The following PNO1 variants were observed in gnomAD, a reference collection of about 807,000 sequenced individuals.
PNO1 encodes the protein partner of NOB1 homolog.
In PNO1, 16 loss-of-function variants were observed where a neutral mutation model predicts 28.4. That is an observed-to-expected ratio of 0.56 (90% CI 0.38 to 0.85). The LOEUF is 0.85. Among genes scored for constraint, PNO1 ranks in the 40% least tolerant of loss-of-function variants. The pLI is 0.00. For missense variants in PNO1, 304 were observed against 312.2 expected, an observed-to-expected ratio of 0.97 and a Z score of 0.20; for synonymous variants, 115 against 110.8, an observed-to-expected ratio of 1.04 and a Z score of -0.24.
Position 68,162,342 on chromosome 2 carries a change from C to A in PNO1, c.502+17C>A. 1 of 1,586,618 alleles carries A rather than the reference C, an allele frequency of 6.3e-7. No individual in the cohort carries two copies. Among genetic ancestry groups the A allele is most frequent in the Non-Finnish European group, 8.6e-7 (1 of 1,162,228 alleles). On this transcript the variant is annotated intron_variant, in intron 4 of 6. Coordinates refer to ENST00000263657, the MANE Select transcript of PNO1 (RefSeq NM_020143.4). Reference sequence around the variant, plus strand: ...TTACAGATGGTGAGTGTGTGTTGGTCTGCGCTCTTGTGTCGCTGACTTTGT... The same window carrying A: ...TTACAGATGGTGAGTGTGTGTTGGTATGCGCTCTTGTGTCGCTGACTTTGT...
chr2:68,166,520 G>A (rs933808330), intron 5 of PNO1, among the ~76,000 whole-genome samples: 1 of 152,166 alleles, frequency 6.6e-6, no homozygotes, highest in African/African-American at 2.4e-5. Flanking sequence ...GGTTAATCTT[G>A]CTGTCTCATG....
intron 2 of PNO1, among the ~76,000 whole-genome samples, chr2:68,159,267 T>C (rs1673765469): frequency 6.6e-6 from 1 of 151,474 alleles, no homozygotes; most frequent in South Asian, 2.1e-4. Flanking sequence ...TGTGTGTGTG[T>C]GTGTGTGTGT....
chr2:68,162,887 A>C (rs1673873820), intron 5 of PNO1, among the ~76,000 whole-genome samples: 1 of 152,234 alleles, frequency 6.6e-6, no homozygotes, highest in Non-Finnish European at 1.5e-5. Context: ...TATCATAAAC[A>C]TGGTCAGAAC....
chr2:68,162,834 T>C (rs1162390223), intron 5 of PNO1, among the ~76,000 whole-genome samples, 171 bp downstream of exon 5: 1 of 152,228 alleles, frequency 6.6e-6, no homozygotes, highest in African/African-American at 2.4e-5. Context: ...CTAAAATGCA[T>C]TTAATATGCC....
intron 5 of PNO1, among the ~76,000 whole-genome samples, chr2:68,167,824 G>A (rs570334344): frequency 6.6e-6 from 1 of 152,162 alleles, no homozygotes; most frequent in Admixed American, 6.5e-5. Flanking sequence ...CTTTGCTGGC[G>A]TTAAGTTCTC....
intron 5 of PNO1, among the ~76,000 whole-genome samples, chr2:68,168,092 A>G (rs1388320136): frequency 6.6e-6 from 1 of 152,252 alleles, no homozygotes; most frequent in Non-Finnish European, 1.5e-5. Context: ...AGCCTTCAGC[A>G]GAGACCAAAA....
chr2:68,165,377 A>AAACC (rs1673960444), intron 5 of PNO1, among the ~76,000 whole-genome samples: 1 of 61,800 alleles, frequency 1.6e-5, no homozygotes, highest in Non-Finnish European at 3.2e-5. Context: ...AAAAAAAAAA[A>AAACC]AACAACAAAA....
At chr2:68,169,282 C>T (rs1674068274) in intron 5 of PNO1, among the ~76,000 whole-genome samples, 1 of 152,020 alleles carries the variant, frequency 6.6e-6, no homozygotes, top group South Asian at 2.1e-4. Flanking sequence ...TTGGAGCACT[C>T]CCAACATCAC....
At chr2:68,160,011 C>T (rs1446934948) in intron 2 of PNO1, among the ~76,000 whole-genome samples, 3 of 149,908 alleles carry the variant, frequency 2.0e-5, no homozygotes, top group South Asian at 4.2e-4. Flanking sequence ...CTCCGTTGCC[C>T]AGGCTGGAGT....
At chr2:68,172,203 G>A (rs925793607) in intron 5 of PNO1, among the ~76,000 whole-genome samples, 2 of 152,196 alleles carry the variant, frequency 1.3e-5, no homozygotes, top group Non-Finnish European at 1.5e-5. Context: ...CTTCACAGGT[G>A]ATCTGTAGGG....
At position 68,158,314 on chromosome 2, in the gene PNO1, A is replaced by C. The variant is rs1290610802; in HGVS notation, c.208-66A>C. 2.7e-6 allele frequency: 4 copies of C among 1,485,594 alleles called. No individual in the cohort carries two copies. The East Asian group carries it at 9.0e-5, about 34-fold the overall frequency. 92.0% of individuals were successfully genotyped at this position (1,485,594 alleles called of 1,614,324 possible). On this transcript the variant is annotated intron_variant, in intron 1 of 6. Transcript: ENST00000263657. ...TTAAAGGAGGCCCTTTGTGGATCAG[A>C]TGTCATTTTAAACTCCATCACCGTC...
At chr2:68,164,695 G>A (rs1250090303) in intron 5 of PNO1, among the ~76,000 whole-genome samples, 3 of 152,052 alleles carry the variant, frequency 2.0e-5, no homozygotes, top group African/African-American at 7.3e-5. Context: ...TGCTCAGGAG[G>A]CTCAGGTGGG....
intron 5 of PNO1, 55 bp from the exon 6 acceptor site, chr2:68,173,292 C>T (rs1430357438): frequency 4.7e-6 from 5 of 1,054,600 alleles, no homozygotes; most frequent in Admixed American, 1.7e-5. Flanking sequence ...GCTGGGATTA[C>T]AGGTGTGAGT....
intron 6 of PNO1, among the ~76,000 whole-genome samples, chr2:68,174,105 C>A (rs1674206009): frequency 6.6e-6 from 1 of 152,130 alleles, no homozygotes; most frequent in Non-Finnish European, 1.5e-5. Context: ...GATCCTGCAG[C>A]AAAGTCAGTA....
At chr2:68,174,670 G>A in intron 6 of PNO1, 65 bp from the exon 7 acceptor site, 1 of 1,085,658 alleles carries the variant, frequency 9.2e-7, no homozygotes, top group South Asian at 1.3e-5. Flanking sequence ...TAGACACTGA[G>A]GGACAACTGT....
In PNO1 at chr2:68,161,711, C is replaced by T. The variant is rs777787563; in HGVS notation, c.386C>T (p.Ala129Val). 1.2e-6 allele frequency: 2 copies of T among 1,612,722 alleles called. No individual in the cohort carries two copies. Among genetic ancestry groups the T allele is most frequent in the Non-Finnish European group, 1.7e-6 (2 of 1,178,980 alleles). The stretch of plus-strand genomic sequence containing the variant: ...TGTAAAGAAACCAAGGATGTTAGTG[C>T]TCTGACAAAAGCAGCTGATTTTGTG... ...RTCKETKDVS[A>V]LTKAADFVKA... Residue 129 changes from alanine to valine, a missense_variant, in exon 3 of 7, where the codon GCT becomes GTT. By Grantham distance (64) the Ala-to-Val change is moderately conservative. Transcript: ENST00000263657.
chr2:68,164,835 A>G (rs1673933980), intron 5 of PNO1, among the ~76,000 whole-genome samples: 1 of 152,136 alleles, frequency 6.6e-6, no homozygotes, highest in Admixed American at 6.5e-5. Flanking sequence ...ATCCATATAC[A>G]GATGCTCCTC....
At position 68,171,202 on chromosome 2, in the gene PNO1, G is replaced by A. The variant is rs139343550; in HGVS notation, c.621-2145G>A. On this transcript the variant is annotated intron_variant, in intron 5 of 6. Transcript: ENST00000263657. ...GTGTCTATGTCCTTTCTTCATTTTC[G>A]TCGTACTAATTCAGTAAGAAGCTAT... Among the ~76,000 whole-genome samples, 360 of 152,222 alleles carry A rather than the reference G, an allele frequency of 2.4e-3. 1 individual carries two copies. The highest frequency in any genetic ancestry group is 6.8e-3 in the Middle Eastern group (2 of 294).
At chr2:68,165,228 G>A (rs1000084481) in intron 5 of PNO1, among the ~76,000 whole-genome samples, 2 of 151,006 alleles carry the variant, frequency 1.3e-5, no homozygotes, top group African/African-American at 4.9e-5. Context: ...GCCGGGCGTA[G>A]TGGCGGGCGC....
Sources: gnomAD v4.1 joint callset for allele counts (sites outside exome capture counted in the v4.1 genomes callset) on GRCh38, gnomAD v4.1.1 for gene constraint, MANE v1.5 for transcripts, NCBI Gene and HGNC (gene_info 2026-07-23, HGNC 2026-07-21) for gene names.